The following MAP7D3 variants were observed in gnomAD, a reference collection of about 807,000 sequenced individuals.
MAP7D3 encodes the protein MAP7 domain containing 3.
In MAP7D3, 45 loss-of-function variants were observed where a neutral mutation model predicts 62.2. The observed-to-expected ratio is 0.72, with a 90% CI of 0.57 to 0.93. The LOEUF (loss-of-function observed/expected upper bound fraction) is 0.93. MAP7D3 is among the 40% of genes least tolerant of loss of function. MAP7D3 has a pLI of 0.00. For missense variants in MAP7D3, 711 were observed against 683.1 expected, an observed-to-expected ratio of 1.04 and a Z score of -0.45; for synonymous variants, 288 against 248.8, an observed-to-expected ratio of 1.16 and a Z score of -1.48.
intron 18 of MAP7D3, 65 bp from the exon 19 acceptor site, chrX:136,218,558 C>T (rs1161060726): frequency 9.0e-6 from 1 of 111,573 alleles, no homozygotes; most frequent in Admixed American, 9.5e-5. Context: ...GCAACTTGTC[C>T]CTGGCCTCCC....
chrX:136,255,149 G>A (rs954637577), upstream of MAP7D3, among the ~76,000 whole-genome samples: 1 of 112,391 alleles, frequency 8.9e-6, no homozygotes, highest in East Asian at 2.8e-4. Flanking sequence ...CTGGGAGGCC[G>A]AGGTTGTGGT....
intron 6 of MAP7D3, among the ~76,000 whole-genome samples, chrX:136,236,811 A>G (rs1415466935): frequency 8.9e-6 from 1 of 111,888 alleles, no homozygotes; most frequent in African/African-American, 3.2e-5. Flanking sequence ...CTTAACATAA[A>G]GAAAACAAAT....
upstream of MAP7D3, chrX:136,251,466 G>C (rs2074512131): frequency 1.2e-6 from 1 of 806,491 alleles, no homozygotes; most frequent in Non-Finnish European, 1.5e-6. Flanking sequence ...GGCGGGGCGG[G>C]GCGGGGCGGG....
Position 136,228,693 on chromosome X carries a change from A to G in MAP7D3, c.1816T>C (p.Leu606=). 2 of 1,206,430 alleles carry G rather than the reference A, an allele frequency of 1.7e-6. No homozygotes were observed. The highest frequency in any genetic ancestry group is 2.2e-6 in the Non-Finnish European group (2 of 892,521). Residue 606 remains leucine, a synonymous_variant, in exon 11 of 19, where the codon TTG becomes CTG. Coordinates refer to ENST00000316077, the MANE Select transcript of MAP7D3 (RefSeq NM_024597.4). ...AEAATKILTE[L]RRLAREQREK... The stretch of plus-strand genomic sequence containing the variant: ...CTTTGTTCACGAGCAAGGCGGCGCA[A>G]TTCTGTCAAAATTTTTGTTGCCGCC...
At chrX:136,216,252 T>C (rs1301185840), downstream of MAP7D3, among the ~76,000 whole-genome samples, 2 of 103,127 alleles carry the variant, frequency 1.9e-5, no homozygotes, top group African/African-American at 7.2e-5. Context: ...AGGCTGGGTG[T>C]GGTGGCTCAT....
At position 136,230,491 on chromosome X, in the gene MAP7D3, G is replaced by T; in HGVS notation, c.1644C>A (p.Thr548=). ...FPYKIMPIQH[T]LSVQSASSTV... ...TACTTGATGCACTTTGCACAGACAG[G>T]GTGTGTTGAATAGGCATTATTTTAT... Residue 548 remains threonine (T), a synonymous_variant, in exon 10 of 19, where the codon ACC becomes ACA. Coordinates refer to ENST00000316077, the MANE Select transcript of MAP7D3 (RefSeq NM_024597.4). The T allele has an allele frequency of 8.4e-7, 1 of 1,184,746 alleles. No individual in the cohort carries two copies. Among genetic ancestry groups the T allele is most frequent in the Non-Finnish European group, 1.1e-6 (1 of 871,079 alleles).
chrX:136,248,789 C>T (rs1340501842), intron 1 of MAP7D3, among the ~76,000 whole-genome samples: 1 of 112,137 alleles, frequency 8.9e-6, no homozygotes, highest in Admixed American at 9.5e-5. Context: ...TTATTTTCCC[C>T]AATTTTTTTT....
rs2074100381 is a variant in MAP7D3, at chrX:136,219,665, A to G, written c.2493T>C (p.Ser831=). Residue 831 remains serine (S), a synonymous_variant, in exon 17 of 19, where the codon TCT becomes TCC. Coordinates refer to ENST00000316077, the MANE Select transcript of MAP7D3 (RefSeq NM_024597.4). ...TSIQEVVSRP[S]SKRMTSHTTK... is the part of the protein sequence containing the mutation. Reference sequence around the variant, plus strand: ...TTGTGTGACTGGTCATTCTTTTGGAAGATGGTCTGGAAAGAGACAGTTTGG... The same window carrying G: ...TTGTGTGACTGGTCATTCTTTTGGAGGATGGTCTGGAAAGAGACAGTTTGG... 1.7e-6 allele frequency: 2 copies of G among 1,202,369 alleles called. No individual in the cohort carries two copies.
chrX:136,230,630 C>T, intron 9 of MAP7D3, 37 bp from the exon 10 acceptor site: 1 of 994,816 alleles, frequency 1.0e-6, no homozygotes, highest in Non-Finnish European at 1.4e-6. Flanking sequence ...AATTAATTTT[C>T]AGTGTACAAT....
intron 11 of MAP7D3, 130 bp downstream of exon 11, chrX:136,228,493 C>T: frequency 3.2e-6 from 2 of 615,542 alleles, no homozygotes; most frequent in Non-Finnish European, 4.9e-6. Context: ...GGCAATGAGG[C>T]ACTTCTGATC....
At chrX:136,230,643 C>A in intron 9 of MAP7D3, 50 bp from the exon 10 acceptor site, 1 of 958,792 alleles carries the variant, frequency 1.0e-6, no homozygotes, top group South Asian at 2.2e-5. Flanking sequence ...TGTACAATTT[C>A]ATAAAATATA....
At chrX:136,247,233 GTTA>G (rs376177868) in intron 1 of MAP7D3, among the ~76,000 whole-genome samples, 1 of 112,331 alleles carries the variant, frequency 8.9e-6, no homozygotes, top group African/African-American at 3.2e-5. Context: ...ACACACATGA[GTTA>G]TTATAGGGGA....
At chrX:136,256,439 C>T in exon 1 of MAP7D3, 2 of 755,931 alleles carry the variant, frequency 2.6e-6, no homozygotes, top group Non-Finnish European at 3.8e-6. Context: ...CCAGGGTGAC[C>T]CTGCTGTCTA....
upstream of MAP7D3, chrX:136,256,154 G>A: frequency 5.5e-6 from 6 of 1,082,820 alleles, no homozygotes; most frequent in Non-Finnish European, 7.2e-6. Context: ...TCCTCTCGTC[G>A]CTCACTCTTG....
At chrX:136,247,591 T>C (rs1195503894) in intron 1 of MAP7D3, among the ~76,000 whole-genome samples, 2 of 26,894 alleles carry the variant, frequency 7.4e-5, no homozygotes, top group African/African-American at 2.1e-4. Flanking sequence ...AGGATCACCA[T>C]TTTTTTTTTT....
intron 12 of MAP7D3, among the ~76,000 whole-genome samples, chrX:136,226,411 T>C (rs1047341479): frequency 1.8e-5 from 2 of 111,882 alleles, no homozygotes; most frequent in East Asian, 2.8e-4. Context: ...ATAAAACATA[T>C]GACCAATGCT....
At chrX:136,252,676 C>CAAAAAAAAAAAAAAAAAAAAAAAGA (rs2074526205), upstream of MAP7D3, among the ~76,000 whole-genome samples, 1 of 36,055 alleles carries the variant, frequency 2.8e-5, no homozygotes, top group African/African-American at 1.3e-4. Context: ...GACTCTGTCT[C>CAAAAAAAAAAAAAAAAAAAAAAAGA]AAAAAAAAAA....
At chrX:136,245,624 G>A (rs915006614) in intron 3 of MAP7D3, among the ~76,000 whole-genome samples, 18 of 110,275 alleles carry the variant, frequency 1.6e-4, no homozygotes, top group African/African-American at 4.9e-4. Context: ...GCGGGTGACT[G>A]TAGTCCCAGT....
chrX:136,231,710 G>T lies in MAP7D3; in HGVS notation c.1247C>A (p.Ala416Glu). Reference sequence around the variant, plus strand: ...TACTTCTGCGCTCCCCTTGGGAGGTGCTTCCAGGCTCCCCTCTGGGGCTGC... The same window carrying T: ...TACTTCTGCGCTCCCCTTGGGAGGTTCTTCCAGGCTCCCCTCTGGGGCTGC... The part of the protein sequence containing the change: ...VEAAPEGSLE[A>E]PPKGSAEVAP... Residue 416 changes from alanine to glutamate, a missense_variant, in exon 8 of 19, where the codon GCA becomes GAA. Physicochemically the swap from Ala to Glu is moderately radical, Grantham distance 107. Transcript: ENST00000316077. The T allele has an allele frequency of 3.3e-6, 4 of 1,209,593 alleles. No individual in the cohort carries two copies. Among genetic ancestry groups the T allele is most frequent in the Non-Finnish European group, 3.4e-6 (3 of 894,201 alleles).
Sources: gnomAD v4.1 joint callset for allele counts (sites outside exome capture counted in the v4.1 genomes callset) on GRCh38, gnomAD v4.1.1 for gene constraint, MANE v1.5 for transcripts, NCBI Gene and HGNC (gene_info 2026-07-23, HGNC 2026-07-21) for gene names.